PLPPR4: variants seen among roughly 807,000 people sequenced by gnomAD.
The protein encoded by PLPPR4 is phospholipid phosphatase related 4.
A neutral mutation model predicts 56.6 loss-of-function variants in PLPPR4; 24 were observed. That is an observed-to-expected ratio of 0.42 (90% confidence interval 0.31 to 0.60). The LOEUF is 0.60. Ranked by LOEUF, PLPPR4 falls within the 20% of genes least tolerant of loss-of-function variation. PLPPR4 has a pLI of 0.13. For synonymous variants in PLPPR4, 326 were observed against 328.1 expected (o/e 0.99, Z 0.07); for missense variants, 654 against 885.8 (o/e 0.74, Z 3.32).
chr1:99,304,778 G>A (rs530610435), intron 6 of PLPPR4, among the ~76,000 whole-genome samples: 9 of 152,152 alleles, frequency 5.9e-5, no homozygotes, highest in African/African-American at 1.7e-4. Flanking sequence ...AGTGGTTACC[G>A]CCTTTTGAAA....
intron 1 of PLPPR4, among the ~76,000 whole-genome samples, chr1:99,276,692 T>C (rs527922692): frequency 2.0e-5 from 3 of 152,278 alleles, no homozygotes; most frequent in Non-Finnish European, 2.9e-5. Context: ...AAGTTCAAGA[T>C]AGTTTAGTAA....
rs116738378 is a variant in PLPPR4 at position 99,285,445 on chromosome 1, T to C, written c.79-2520T>C. ...TGATTTATTGGTCAAGACTGAAAGCTACTATTCGTGCACTATAGGAGAGGG... is the reference window on the plus strand; with the variant it reads ...TGATTTATTGGTCAAGACTGAAAGCCACTATTCGTGCACTATAGGAGAGGG... On this transcript the variant is annotated intron_variant, in intron 1 of 6. Transcript: ENST00000370185. Among the ~76,000 whole-genome samples the C allele has an allele frequency of 3.9e-3, 596 of 152,320 alleles. 5 individuals carry two copies. Among genetic ancestry groups the C allele is most frequent in the African/African-American group, 0.014 (566 of 41,580 alleles).
chr1:99,308,509 CT>C lies in PLPPR4; in HGVS notation c.*1505del, dbSNP rs1660105496. The C allele has an allele frequency of 6.6e-6, 1 of 152,368 alleles. No homozygotes were observed. Among genetic ancestry groups the C allele is most frequent in the African/African-American group, 2.4e-5 (1 of 41,350 alleles). The allele number at this position is 152,368 out of a possible 1,614,324, so 9.4% of individuals were successfully genotyped here. On this transcript the variant is annotated 3_prime_UTR_variant, in exon 7 of 7. Coordinates refer to ENST00000370185, the MANE Select transcript of PLPPR4 (RefSeq NM_014839.5). ...CAGTTCTTGGAACTTAGTATTAAAC[CT>C]TTTTTATGCCATTTCATAAGAATTC...
At chr1:99,264,797 G>C in intron 1 of PLPPR4, 126 bp downstream of exon 1, 1 of 916,436 alleles carries the variant, frequency 1.1e-6, no homozygotes, top group Non-Finnish European at 1.7e-6. Context: ...CCAAATGCCC[G>C]ACCCTCCCCT....
At position 99,299,055 on chromosome 1, in the gene PLPPR4, T is replaced by C; in HGVS notation, c.415T>C (p.Cys139Arg). Residue 139 changes from cysteine (C) to arginine (R), a missense_variant, in exon 4 of 7, where the codon TGC (cysteine) becomes CGC (arginine). Cys to Arg is a radical substitution (Grantham distance 180). Coordinates refer to ENST00000370185, the MANE Select transcript of PLPPR4 (RefSeq NM_014839.5). Reference sequence around the variant, plus strand: ...TATAGGTGTTCATGTATTTGGATTATGCTCTACAGCTCTCATTACAGATAT... The same window carrying C: ...TATAGGTGTTCATGTATTTGGATTACGCTCTACAGCTCTCATTACAGATAT... ...RFVGVHVFGLCSTALITDIIQ... is the reference protein window; with the variant it reads ...RFVGVHVFGLRSTALITDIIQ... 6.2e-7 allele frequency: 1 copy of C among 1,613,556 alleles called. No homozygotes were observed. The highest frequency in any genetic ancestry group is 8.5e-7 in the Non-Finnish European group (1 of 1,179,668).
chr1:99,269,850 T>G (rs1042684653), intron 1 of PLPPR4, among the ~76,000 whole-genome samples: 2 of 152,180 alleles, frequency 1.3e-5, no homozygotes, highest in Admixed American at 1.3e-4. Flanking sequence ...ATGCACACAC[T>G]TCTGTGCATA....
rs1659817194 is a variant in PLPPR4, at chr1:99,299,042, T to C, written c.402T>C (p.His134=). 6.2e-7 allele frequency: 1 copy of C among 1,612,768 alleles called. No homozygotes were observed. Among genetic ancestry groups the C allele is most frequent in the Non-Finnish European group, 8.5e-7 (1 of 1,179,002 alleles). The change falls in exon 4 of 7, where the codon CAT becomes CAC. Residue 134 remains histidine (H), a synonymous_variant. Coordinates refer to ENST00000370185, the MANE Select transcript of PLPPR4 (RefSeq NM_014839.5). ...CTTTCATTTTGCCTATAGGTGTTCA[T>C]GTATTTGGATTATGCTCTACAGCTC... is the stretch of plus-strand genomic sequence containing the variant. ...LRRAVRFVGV[H]VFGLCSTALI...
intron 6 of PLPPR4, among the ~76,000 whole-genome samples, chr1:99,304,569 T>C (rs529987185): frequency 1.3e-5 from 2 of 152,296 alleles, no homozygotes; most frequent in African/African-American, 2.4e-5. Flanking sequence ...GGTGAGAGCA[T>C]AGACAGATAT....
chr1:99,279,758 C>T (rs1355029327), intron 1 of PLPPR4, among the ~76,000 whole-genome samples: 1 of 152,136 alleles, frequency 6.6e-6, no homozygotes, highest in Admixed American at 6.5e-5. Flanking sequence ...AATTACTGGC[C>T]TTTGAAGCCA....
At chr1:99,298,974 A>T (rs746235727) in intron 3 of PLPPR4, 61 bp from the exon 4 acceptor site, 2 of 1,086,976 alleles carry the variant, frequency 1.8e-6, no homozygotes, top group African/African-American at 1.5e-5. Flanking sequence ...ATGTTTAATG[A>T]ATATGTTTGA....
At chr1:99,302,661 C>A (rs1207838125) in intron 6 of PLPPR4, among the ~76,000 whole-genome samples, 2 of 101,368 alleles carry the variant, frequency 2.0e-5, no homozygotes, top group Non-Finnish European at 3.7e-5. Flanking sequence ...CTATCCCTCC[C>A]CCCTCCCCCC....
chr1:99,263,099 AAT>A (rs1658801866), upstream of PLPPR4, among the ~76,000 whole-genome samples: 2 of 152,180 alleles, frequency 1.3e-5, no homozygotes, highest in Non-Finnish European at 2.9e-5. Flanking sequence ...AGAAGTTGTG[AAT>A]GGGAAAATGG....
At chr1:99,268,798 A>T (rs976584735) in intron 1 of PLPPR4, among the ~76,000 whole-genome samples, 4 of 152,202 alleles carry the variant, frequency 2.6e-5, no homozygotes, top group Non-Finnish European at 5.9e-5. Flanking sequence ...GGTAAAAAGC[A>T]ATGTTCCACT....
At position 99,309,129 on chromosome 1, in the gene PLPPR4, T is replaced by C. The variant is rs1009553412; in HGVS notation, c.*2119T>C. On this transcript the variant is annotated 3_prime_UTR_variant, in exon 7 of 7. Coordinates refer to ENST00000370185, the MANE Select transcript of PLPPR4 (RefSeq NM_014839.5). ...AATGACTTAACAAATTGTACCACAT[T>C]GTTAAGGACATATAATGATAGACAC... The C allele has an allele frequency of 6.6e-6, 1 of 152,620 alleles. No individual in the cohort carries two copies. The highest frequency in any genetic ancestry group is 6.5e-5 in the Admixed American group (1 of 15,278). 9.5% of individuals were successfully genotyped at this position (152,620 alleles called of 1,614,324 possible).
intron 3 of PLPPR4, among the ~76,000 whole-genome samples, chr1:99,297,690 G>T (rs975838272): frequency 2.6e-5 from 4 of 151,982 alleles, no homozygotes; most frequent in Non-Finnish European, 5.9e-5. Flanking sequence ...GAAAAATCAG[G>T]TCTAACTCAT....
At chr1:99,302,812 A>G (rs1262706921) in intron 6 of PLPPR4, among the ~76,000 whole-genome samples, 4 of 150,568 alleles carry the variant, frequency 2.7e-5, no homozygotes, top group African/African-American at 7.4e-5. Context: ...ATGATTTCCA[A>G]TTTCATCCAT....
chr1:99,263,013 T>TC (rs1658800190), upstream of PLPPR4, among the ~76,000 whole-genome samples: 1 of 152,194 alleles, frequency 6.6e-6, no homozygotes, highest in Non-Finnish European at 1.5e-5. Context: ...GATGTAGTTC[T>TC]CTTCTGATTA....
intron 1 of PLPPR4, among the ~76,000 whole-genome samples, chr1:99,287,627 T>C (rs965540583): frequency 6.6e-6 from 1 of 152,168 alleles, no homozygotes; most frequent in Non-Finnish European, 1.5e-5. Flanking sequence ...TTGATTTGCA[T>C]TTTTCTGATT....
At chr1:99,305,355 T>G (rs570992029) in intron 6 of PLPPR4, among the ~76,000 whole-genome samples, 4 of 152,106 alleles carry the variant, frequency 2.6e-5, no homozygotes, top group Non-Finnish European at 5.9e-5. Flanking sequence ...TCCAGAAAAA[T>G]GAATTGCTTT....
Sources: gnomAD v4.1 joint callset for allele counts (sites outside exome capture counted in the v4.1 genomes callset) on GRCh38, gnomAD v4.1.1 for gene constraint, MANE v1.5 for transcripts, NCBI Gene and HGNC (gene_info 2026-07-23, HGNC 2026-07-21) for gene names.